Variants in FCHSD2 observed in about 807,000 individuals in gnomAD.
FCHSD2 encodes the protein F-BAR and double SH3 domains protein 2.
FCHSD2 carries 38 observed loss-of-function variants against 108.1 expected under a neutral mutation model. The observed-to-expected ratio is 0.35, with a 90% CI of 0.27 to 0.46. FCHSD2 has a LOEUF of 0.46. Ranked by LOEUF, FCHSD2 falls within the 20% of genes least tolerant of loss-of-function variation. FCHSD2 has a pLI of 1.00. For synonymous variants in FCHSD2, 279 were observed against 314.7 expected (o/e 0.89, Z 1.20); for missense variants, 751 against 897.8 (o/e 0.84, Z 2.09).
At chr11:73,064,731 G>A (rs1337443243) in intron 3 of FCHSD2, among the ~76,000 whole-genome samples, 1 of 151,918 alleles carries the variant, frequency 6.6e-6, no homozygotes, top group Non-Finnish European at 1.5e-5. Flanking sequence ...TTAAGCACCT[G>A]CATGCAAATA....
Position 72,839,004 on chromosome 11 carries a change from G to A in FCHSD2, c.2140-130C>T, listed in dbSNP as rs138856854. The A allele has an allele frequency of 1.3e-4, 94 of 712,126 alleles. 1 individual carries two copies. The highest frequency in any genetic ancestry group is 5.8e-4 in the African/African-American group (33 of 56,610). 44.1% of individuals were successfully genotyped at this position (712,126 alleles called of 1,614,324 possible). On this transcript the variant is annotated intron_variant, in intron 19 of 19. Coordinates refer to ENST00000409418, the MANE Select transcript of FCHSD2 (RefSeq NM_014824.3). ...GGGGTCTCAGAAATGTTGTGAGCAC[G>A]TGCTTTCAACCTAGTCTTCACTATT...
intron 3 of FCHSD2, among the ~76,000 whole-genome samples, chr11:73,064,991 T>C (rs1287748620): frequency 1.3e-5 from 2 of 152,140 alleles, no homozygotes; most frequent in East Asian, 3.8e-4. Flanking sequence ...GAGGGAATCC[T>C]CCCTAACTCC....
At chr11:72,869,802 T>A (rs2135208725) in intron 12 of FCHSD2, among the ~76,000 whole-genome samples, 1 of 152,270 alleles carries the variant, frequency 6.6e-6, no homozygotes, top group African/African-American at 2.4e-5. Flanking sequence ...TCAGTAGCCT[T>A]CTAACCCATT....
At chr11:73,013,690 G>A in intron 4 of FCHSD2, among the ~76,000 whole-genome samples, 1 of 152,142 alleles carries the variant, frequency 6.6e-6, no homozygotes, top group East Asian at 1.9e-4. Context: ...TTAGCACAGT[G>A]TCTGCCACAT....
chr11:72,862,028 A>G (rs562936980), intron 13 of FCHSD2, among the ~76,000 whole-genome samples: 1 of 152,318 alleles, frequency 6.6e-6, no homozygotes, highest in African/African-American at 2.4e-5. Context: ...CAATGCAATT[A>G]CACCATATTA....
At chr11:72,887,160 C>T (rs958516038) in intron 12 of FCHSD2, among the ~76,000 whole-genome samples, 57 of 151,106 alleles carry the variant, frequency 3.8e-4, no homozygotes, top group African/African-American at 1.3e-3. Flanking sequence ...GATATATATA[C>T]ATCATTTTTT....
At chr11:73,077,661 C>T (rs1859589296) in intron 3 of FCHSD2, 1 of 431,138 alleles carries the variant, frequency 2.3e-6, no homozygotes, top group Non-Finnish European at 4.6e-6. Flanking sequence ...TATATCCATA[C>T]AATGGAATAC....
chr11:73,093,753 C>A (rs560218397), intron 2 of FCHSD2, among the ~76,000 whole-genome samples: 2 of 152,228 alleles, frequency 1.3e-5, no homozygotes, highest in East Asian at 3.9e-4. Context: ...AGGCATGCAC[C>A]ACCATGCCGA....
intron 4 of FCHSD2, among the ~76,000 whole-genome samples, chr11:73,012,963 T>C (rs545271827): frequency 6.6e-6 from 1 of 152,352 alleles, no homozygotes; most frequent in East Asian, 1.9e-4. Context: ...TATGAGATGA[T>C]GAGGAATTAA....
At chr11:73,076,031 A>C (rs1421200520) in intron 3 of FCHSD2, among the ~76,000 whole-genome samples, 5 of 152,076 alleles carry the variant, frequency 3.3e-5, no homozygotes, top group Non-Finnish European at 7.4e-5. Flanking sequence ...ACATAGGAGA[A>C]TCACCTGAGC....
intron 19 of FCHSD2, among the ~76,000 whole-genome samples, chr11:72,839,701 A>C (rs943960525): frequency 6.6e-6 from 1 of 152,200 alleles, no homozygotes; most frequent in Non-Finnish European, 1.5e-5. Flanking sequence ...GGAAGGGAAC[A>C]TAACTCATTT....
At position 73,028,747 on chromosome 11, in the gene FCHSD2, T is replaced by G. The variant is rs556668263; in HGVS notation, c.166-12862A>C. ...AGGGGAAAAACCTGGTGGGAGGAGA[T>G]TGGATCATGAGGGCAGATTTTCCTC... On this transcript the variant is annotated intron_variant, in intron 3 of 19. Coordinates refer to ENST00000409418, the MANE Select transcript of FCHSD2 (RefSeq NM_014824.3). Among the ~76,000 whole-genome samples the G allele has an allele frequency of 2.6e-5, 4 of 152,206 alleles. No homozygotes were observed. The East Asian group carries it at 7.7e-4, about 29-fold the overall frequency.
intron 2 of FCHSD2, among the ~76,000 whole-genome samples, chr11:73,109,957 T>C (rs1318369849): frequency 2.0e-5 from 3 of 152,224 alleles, no homozygotes; most frequent in Non-Finnish European, 4.4e-5. Context: ...AATGATCATA[T>C]GGTTTTTCAT....
intron 2 of FCHSD2, among the ~76,000 whole-genome samples, chr11:73,100,828 C>T (rs1860206882): frequency 6.6e-6 from 1 of 151,742 alleles, no homozygotes; most frequent in African/African-American, 2.4e-5. Flanking sequence ...TTCCCAAATA[C>T]TGGGCATTCC....
intron 10 of FCHSD2, among the ~76,000 whole-genome samples, chr11:72,892,691 ACCTCCTGGGTTCAAGTGAT>A (rs1443333314): frequency 6.6e-6 from 1 of 150,720 alleles, no homozygotes; most frequent in East Asian, 2.0e-4. Context: ...TGCAACCTCC[ACCTCCTGGGTTCAAGTGAT>A]CCTCCTGCCT....
At chr11:72,912,804 T>C (rs1016851379) in intron 9 of FCHSD2, among the ~76,000 whole-genome samples, 2 of 152,362 alleles carry the variant, frequency 1.3e-5, no homozygotes, top group East Asian at 1.9e-4. Context: ...TCTTGTTACT[T>C]GTTTTTTCAT....
At chr11:73,062,642 T>C (rs1415508805) in intron 3 of FCHSD2, among the ~76,000 whole-genome samples, 1 of 152,128 alleles carries the variant, frequency 6.6e-6, no homozygotes, top group Non-Finnish European at 1.5e-5. Flanking sequence ...TCATGAAGCA[T>C]ACACCGTTTC....
intron 12 of FCHSD2, among the ~76,000 whole-genome samples, chr11:72,871,783 G>C (rs1362290956): frequency 6.8e-6 from 1 of 147,390 alleles, no homozygotes; most frequent in East Asian, 2.0e-4. Context: ...TAGAGCCAGA[G>C]TGGTTGCTCT....
At chr11:73,079,697 T>C (rs1426725228) in intron 3 of FCHSD2, among the ~76,000 whole-genome samples, 1 of 152,110 alleles carries the variant, frequency 6.6e-6, no homozygotes, top group Non-Finnish European at 1.5e-5. Context: ...AGGATAGAAA[T>C]ATCTTTGTCT....
Sources: gnomAD v4.1 joint callset for allele counts (sites outside exome capture counted in the v4.1 genomes callset) on GRCh38, gnomAD v4.1.1 for gene constraint, MANE v1.5 for transcripts, NCBI Gene and HGNC (gene_info 2026-07-23, HGNC 2026-07-21) for gene names.